The following SOX5 variants were observed in gnomAD, a reference collection of about 807,000 sequenced individuals.
SOX5 encodes the protein SRY-box transcription factor 5, also known as transcription factor SOX-5.
A neutral mutation model predicts 92.0 loss-of-function variants in SOX5; 9 were observed. The observed-to-expected ratio is 0.10, with a 90% CI of 0.06 to 0.17. The LOEUF (loss-of-function observed/expected upper bound fraction) is 0.17. Ranked by LOEUF, SOX5 falls within the 10% of genes least tolerant of loss-of-function variation. SOX5 has a pLI of 1.00. For missense variants in SOX5, 642 were observed against 944.5 expected, an observed-to-expected ratio of 0.68 and a Z score of 4.20; for synonymous variants, 344 against 336.3, an observed-to-expected ratio of 1.02 and a Z score of -0.25.
chr12:23,817,685 T>G (rs2096023036), intron 3 of SOX5, among the ~76,000 whole-genome samples: 1 of 152,200 alleles, frequency 6.6e-6, no homozygotes, highest in South Asian at 2.1e-4. Context: ...TATGTAAATA[T>G]TAATTCATTT....
rs991970863 is a variant in SOX5, at chr12:23,626,322, A to G, written c.1017+14490T>C. The stretch of plus-strand genomic sequence containing the variant: ...ACTTGTCATTTACTTATTTATTTCT[A>G]GATGGTCCTTCTTTTTCATGTGTAA... On this transcript the variant is annotated intron_variant, in intron 8 of 14. Transcript: ENST00000451604. Among the ~76,000 whole-genome samples the G allele has an allele frequency of 2.6e-5, 4 of 152,138 alleles. No individual in the cohort carries two copies. The East Asian group carries it at 7.7e-4, about 29-fold the overall frequency.
rs751975537 is a variant in SOX5, at chr12:23,604,442, G to A, written c.1109C>T (p.Ser370Phe). 1.9e-6 allele frequency: 3 copies of A among 1,613,638 alleles called. No individual in the cohort carries two copies. The highest frequency in any genetic ancestry group is 1.3e-5 in the African/African-American group (1 of 74,916). Residue 370 changes from serine to phenylalanine, a missense_variant, in exon 9 of 15, where the codon TCT (serine) becomes TTT (phenylalanine). Transcript: ENST00000451604. The part of the protein sequence containing the change: ...IPQGNLGAAV[S>F]PTSIHTDKST... ...CTTGTCTGTGTGAATGCTGGTAGGA[G>A]ATACAGCAGCACCAAGGTTGCCTTG...
intron 4 of SOX5, among the ~76,000 whole-genome samples, chr12:24,070,782 T>A (rs1941648761): frequency 6.6e-6 from 1 of 152,224 alleles, no homozygotes; most frequent in South Asian, 2.1e-4. Flanking sequence ...AAACAATTTT[T>A]ACCTGCATAT....
chr12:24,527,879 T>C (rs1018483909), intron 1 of SOX5, among the ~76,000 whole-genome samples: 2 of 152,252 alleles, frequency 1.3e-5, no homozygotes, highest in South Asian at 4.1e-4. Context: ...TCATCACAAC[T>C]TGTAATAAAT....
chr12:24,425,616 T>G (rs1966640648), intron 1 of SOX5, among the ~76,000 whole-genome samples: 1 of 152,232 alleles, frequency 6.6e-6, no homozygotes, highest in Non-Finnish European at 1.5e-5. Context: ...TAAAATGAGT[T>G]TAGTTGCTGT....
intron 4 of SOX5, among the ~76,000 whole-genome samples, chr12:23,987,513 C>T (rs1300185205): frequency 6.6e-6 from 1 of 152,202 alleles, no homozygotes; most frequent in Non-Finnish European, 1.5e-5. Flanking sequence ...TCATGAAGAG[C>T]TGGGTGTGGT....
intron 3 of SOX5, among the ~76,000 whole-genome samples, chr12:24,275,648 A>T (rs1944353029): frequency 6.6e-6 from 1 of 152,196 alleles, no homozygotes; most frequent in African/African-American, 2.4e-5. Context: ...AAATTAACTT[A>T]AAAGAAATAT....
intron 4 of SOX5, among the ~76,000 whole-genome samples, chr12:24,081,472 G>A (rs1365735710): frequency 6.6e-6 from 1 of 151,880 alleles, no homozygotes; most frequent in Non-Finnish European, 1.5e-5. Context: ...GCTGTAAATG[G>A]AGCTACTGTT....
intron 2 of SOX5, among the ~76,000 whole-genome samples, chr12:24,329,292 G>T (rs1418273770): frequency 6.6e-6 from 1 of 152,154 alleles, no homozygotes; most frequent in Non-Finnish European, 1.5e-5. Context: ...TACATGGCTT[G>T]GGAGGCCTCA....
intron 4 of SOX5, among the ~76,000 whole-genome samples, chr12:24,184,952 T>C (rs538517554): frequency 1.3e-5 from 2 of 152,268 alleles, no homozygotes; most frequent in South Asian, 4.1e-4. Flanking sequence ...GATTTTTTAA[T>C]TCAGTTAGTC....
chr12:24,355,197 A>G (rs112506720), intron 2 of SOX5, among the ~76,000 whole-genome samples: 5 of 150,932 alleles, frequency 3.3e-5, no homozygotes, highest in African/African-American at 9.8e-5. Context: ...TGCTTTGTGC[A>G]ATATCAGGAT....
intron 5 of SOX5, among the ~76,000 whole-genome samples, chr12:23,740,622 G>A (rs1417049055): frequency 2.6e-5 from 4 of 152,096 alleles, no homozygotes; most frequent in African/African-American, 9.7e-5. Context: ...TGATTTATCA[G>A]AATTAACCTT....
At chr12:24,477,247 C>T (rs1945497375) in intron 1 of SOX5, among the ~76,000 whole-genome samples, 1 of 151,856 alleles carries the variant, frequency 6.6e-6, no homozygotes, top group Non-Finnish European at 1.5e-5. Context: ...GATTCTCCTG[C>T]CTCAGCCTCT....
At chr12:23,636,672 G>A (rs185313864) in intron 8 of SOX5, among the ~76,000 whole-genome samples, 206 of 152,222 alleles carry the variant, frequency 1.4e-3, no homozygotes, top group Middle Eastern at 3.4e-3. Context: ...TTCAGAGTCC[G>A]AAGTAGACAG....
intron 1 of SOX5, among the ~76,000 whole-genome samples, chr12:24,422,498 G>A (rs1966081641): frequency 6.6e-6 from 1 of 152,162 alleles, no homozygotes; most frequent in African/African-American, 2.4e-5. Flanking sequence ...TCATATGTAA[G>A]ATAACTGATC....
intron 3 of SOX5, among the ~76,000 whole-genome samples, chr12:24,266,479 G>A (rs947668133): frequency 2.6e-5 from 4 of 151,996 alleles, no homozygotes; most frequent in Non-Finnish European, 4.4e-5. Context: ...TCATCTCACC[G>A]GAATTTCTTC....
intron 4 of SOX5, among the ~76,000 whole-genome samples, chr12:24,023,335 T>C (rs1954526429): frequency 6.6e-6 from 1 of 152,114 alleles, no homozygotes; most frequent in Non-Finnish European, 1.5e-5. Context: ...TATTACTTGA[T>C]CTGCATATTT....
At chr12:24,355,429 G>A (rs954365120) in intron 2 of SOX5, among the ~76,000 whole-genome samples, 4 of 150,678 alleles carry the variant, frequency 2.7e-5, no homozygotes, top group Non-Finnish European at 4.4e-5. Context: ...TGCCTCAGCC[G>A]GTGAGGGGTG....
intron 9 of SOX5, among the ~76,000 whole-genome samples, chr12:23,600,120 C>T (rs56227441): frequency 0.21 from 32,187 of 152,082 alleles, 4,081 homozygotes; most frequent in Middle Eastern, 0.33. Context: ...AACGTCAATA[C>T]TGCTTAACAA....
Sources: allele counts gnomAD v4.1 joint callset (sites outside exome capture counted in the v4.1 genomes callset), GRCh38; gene constraint gnomAD v4.1.1; transcripts MANE v1.5; gene names NCBI Gene and HGNC (gene_info 2026-07-23, HGNC 2026-07-21).